Variants in TMPRSS6 observed in about 807,000 individuals in gnomAD.
TMPRSS6 encodes the protein transmembrane serine protease 6.
Under a neutral mutation model 101.5 loss-of-function variants are expected in TMPRSS6, and 67 were observed. The ratio of observed to expected loss-of-function variants is 0.66; its 90% CI spans 0.54 to 0.81. The LOEUF is 0.81. Ranked by LOEUF, TMPRSS6 falls within the 30% of genes least tolerant of loss-of-function variation. The pLI, the probability that TMPRSS6 is intolerant of heterozygous loss-of-function variation, is 0.00. For synonymous variants in TMPRSS6, 453 were observed against 464.9 expected (o/e 0.97, Z 0.33); for missense variants, 1,034 against 1,088.7 (o/e 0.95, Z 0.71).
At chr22:37,084,908 G>A (rs1928595849) in intron 8 of TMPRSS6, 69 bp from the exon 9 acceptor site, 1 of 1,215,316 alleles carries the variant, frequency 8.2e-7, no homozygotes, top group African/African-American at 1.5e-5. Flanking sequence ...GGCGCAGCTT[G>A]TAACCCCACC....
At chr22:37,096,304 T>C (rs1045158171) in intron 4 of TMPRSS6, among the ~76,000 whole-genome samples, 1 of 152,210 alleles carries the variant, frequency 6.6e-6, no homozygotes, top group Non-Finnish European at 1.5e-5. Flanking sequence ...TTGTGTCTCA[T>C]AAACTATGCC....
Position 37,066,140 on chromosome 22 carries a change from GTAGT to G in TMPRSS6, c.2345_2348del (p.Asn782ThrfsTer11), listed in dbSNP as rs1179480014. On this transcript the variant is annotated frameshift_variant, in exon 18 of 18. Transcript: ENST00000676104. LOFTEE classifies it high-confidence loss of function. ...CTGTGATGCGGGTGTAGACGCCGAA[GTAGT>G]TAGGCCGGCCACAGCCCAGGCCCCA... 6.2e-7 allele frequency: 1 copy of G among 1,613,314 alleles called. No homozygotes were observed. The highest frequency in any genetic ancestry group is 8.5e-7 in the Non-Finnish European group (1 of 1,180,038).
chr22:37,109,102 T>G (rs1930903249), intron 1 of TMPRSS6, among the ~76,000 whole-genome samples: 1 of 151,956 alleles, frequency 6.6e-6, no homozygotes, highest in Non-Finnish European at 1.5e-5. Context: ...AGTACATAGG[T>G]GCAATGTGGG....
intron 2 of TMPRSS6, among the ~76,000 whole-genome samples, chr22:37,099,769 G>A (rs1248057865): frequency 6.6e-6 from 1 of 151,508 alleles, no homozygotes; most frequent in Non-Finnish European, 1.5e-5. Context: ...TCTGTGGAAA[G>A]AATGTCCCAG....
chr22:37,067,649 A>G lies in TMPRSS6; in HGVS notation c.2114-687T>C, dbSNP rs542483154. ...TCTGATCCCTTCATGGTTTCCTTAG[A>G]ACTCTGCAGTGCCCCAACTCTGCAG... On this transcript the variant is annotated intron_variant, in intron 16 of 17. Coordinates refer to ENST00000676104, the MANE Select transcript of TMPRSS6 (RefSeq NM_001374504.1). Among the ~76,000 whole-genome samples the G allele has an allele frequency of 2.6e-5, 4 of 152,098 alleles. No homozygotes were observed. In the South Asian group the frequency reaches 8.3e-4, roughly 32 times the overall value.
chr22:37,099,685 A>T (rs1185778754), intron 2 of TMPRSS6, among the ~76,000 whole-genome samples: 2 of 152,202 alleles, frequency 1.3e-5, no homozygotes, highest in Non-Finnish European at 2.9e-5. Flanking sequence ...AACAGGTTAG[A>T]GGTGGTCAGT....
chr22:37,072,110 G>A (rs996873911), intron 13 of TMPRSS6, among the ~76,000 whole-genome samples: 7 of 150,034 alleles, frequency 4.7e-5, no homozygotes, highest in Admixed American at 2.0e-4. Context: ...ATGATGGATG[G>A]ACGGATGATG....
At chr22:37,084,005 A>G (rs1244903819) in intron 10 of TMPRSS6, 1 of 561,654 alleles carries the variant, frequency 1.8e-6, no homozygotes, top group African/African-American at 1.9e-5. Flanking sequence ...AGCACCCAAG[A>G]AGATGAGACA....
chr22:37,096,460 C>T (rs1929772320), intron 4 of TMPRSS6, among the ~76,000 whole-genome samples, 188 bp downstream of exon 4: 1 of 152,180 alleles, frequency 6.6e-6, no homozygotes, highest in African/African-American at 2.4e-5. Flanking sequence ...ACCTATCACA[C>T]CCATGTTTCC....
intron 10 of TMPRSS6, among the ~76,000 whole-genome samples, chr22:37,081,629 C>T (rs150091882): frequency 3.4e-4 from 51 of 152,202 alleles, no homozygotes; most frequent in Admixed American, 1.4e-3. Context: ...CCCCGTGTGG[C>T]GAGGGAGGAC....
At chr22:37,067,817 G>A (rs796262581) in intron 16 of TMPRSS6, among the ~76,000 whole-genome samples, 11 of 53,778 alleles carry the variant, frequency 2.0e-4, no homozygotes, top group African/African-American at 1.7e-3. Context: ...TATGCTGGCC[G>A]GCAAGGCCCT....
rs375681801 is a variant in TMPRSS6, at chr22:37,096,084, T to C, written c.411A>G (p.Gly137=). The part of the protein sequence containing the change: ...NSSSVYSFGE[G]PLTCFFWFIL... The stretch of plus-strand genomic sequence containing the variant: ...TGAACCAGAAGAAGCAGGTGAGGGG[T>C]CCCTCCCTAAGGCAGGCAGAAGTGA... The change falls in exon 5 of 18, where the codon GGA becomes GGG. Residue 137 remains glycine (G), a synonymous_variant. Coordinates refer to ENST00000676104, the MANE Select transcript of TMPRSS6 (RefSeq NM_001374504.1). 7.3e-5 allele frequency: 118 copies of C among 1,613,734 alleles called. 1 individual carries two copies. The highest frequency in any genetic ancestry group is 7.2e-5 in the Non-Finnish European group (85 of 1,179,970).
At chr22:37,070,892 C>T in intron 14 of TMPRSS6, 24 bp downstream of exon 14, 2 of 1,606,854 alleles carry the variant, frequency 1.2e-6, no homozygotes, top group African/African-American at 1.3e-5. Flanking sequence ...AGCTCCAGGG[C>T]CCCGGCAGCC....
chr22:37,099,264 G>A (rs1930086196), intron 2 of TMPRSS6, among the ~76,000 whole-genome samples: 2 of 152,234 alleles, frequency 1.3e-5, no homozygotes, highest in South Asian at 2.1e-4. Context: ...GCACGGGGCC[G>A]GTAGCACGGG....
intron 10 of TMPRSS6, among the ~76,000 whole-genome samples, chr22:37,077,754 G>A (rs1927796571): frequency 1.3e-5 from 2 of 152,178 alleles, no homozygotes; most frequent in Non-Finnish European, 2.9e-5. Flanking sequence ...TGTGTAATGG[G>A]CTTATAATTA....
At chr22:37,066,420 G>A (rs1430433211) in intron 17 of TMPRSS6, among the ~76,000 whole-genome samples, 182 bp from the exon 18 acceptor site, 1 of 152,164 alleles carries the variant, frequency 6.6e-6, no homozygotes, top group Non-Finnish European at 1.5e-5. Context: ...AGCCCTCCCC[G>A]GCCTCCAGCC....
At chr22:37,098,604 T>C in intron 2 of TMPRSS6, 55 bp from the exon 3 acceptor site, 1 of 1,613,436 alleles carries the variant, frequency 6.2e-7, no homozygotes, top group Non-Finnish European at 8.5e-7. Context: ...GAAAGTCTCC[T>C]GTCTCTTCCA....
intron 1 of TMPRSS6, among the ~76,000 whole-genome samples, chr22:37,107,855 A>C (rs781713763): frequency 6.6e-6 from 1 of 152,114 alleles, no homozygotes; most frequent in Non-Finnish European, 1.5e-5. Context: ...TTTTCTTTAT[A>C]GCAATTACAG....
Position 37,065,462 on chromosome 22 carries a change from G to A in TMPRSS6, c.*618C>T, listed in dbSNP as rs1285994609. ...TGGATCAGGCAGCTTTATTCCAAAG[G>A]GCAGCTGAGCTCACCTCCCAGTGAG... On this transcript the variant is annotated 3_prime_UTR_variant, in exon 18 of 18. Transcript: ENST00000676104. 1 of 153,664 alleles carries A rather than the reference G, an allele frequency of 6.5e-6. No homozygotes were observed. Among genetic ancestry groups the A allele is most frequent in the African/African-American group, 2.4e-5 (1 of 41,474 alleles). The allele number at this position is 153,664 out of a possible 1,614,324, so 9.5% of individuals were successfully genotyped here.
Sources: gnomAD v4.1 joint callset for allele counts (sites outside exome capture counted in the v4.1 genomes callset) on GRCh38, gnomAD v4.1.1 for gene constraint, MANE v1.5 for transcripts, NCBI Gene and HGNC (gene_info 2026-07-23, HGNC 2026-07-21) for gene names.